The following FCGRT variants were observed in gnomAD, a reference collection of about 807,000 sequenced individuals.
FCGRT encodes Fc gamma receptor and transporter.
Under a neutral mutation model 35.7 loss-of-function variants are expected in FCGRT, and 13 were observed. That is an observed-to-expected ratio of 0.36 (90% CI 0.24 to 0.58). FCGRT has a LOEUF of 0.58. FCGRT is among the 20% of genes least tolerant of loss of function. The pLI is 0.77. For missense variants in FCGRT, 455 were observed against 474.9 expected (o/e 0.96, Z 0.39); for synonymous variants, 233 against 216.5 (o/e 1.08, Z -0.67).
At chr19:49,514,164 C>T (rs1284568830) in intron 3 of FCGRT, 31 bp downstream of exon 3, 5 of 1,611,082 alleles carry the variant, frequency 3.1e-6, no homozygotes, top group African/African-American at 2.7e-5. Flanking sequence ...GGCAAGGGGC[C>T]GGGTCCATGC....
rs1445251431 is a variant in FCGRT, at chr19:49,513,750, G to A, written c.74-132G>A. ...TCTGGGTCTCTGTCCCCCCCCCCCC[G>A]GGTTTCTGTCCCCTCTCTCTGAATC... On this transcript the variant is annotated intron_variant, in intron 2 of 6. Transcript: ENST00000221466. 7 of 81,912 alleles carry A rather than the reference G, an allele frequency of 8.5e-5. No individual in the cohort carries two copies. The Admixed American group carries it at 9.7e-4, about 11-fold the overall frequency. 5.1% of individuals were successfully genotyped at this position (81,912 alleles called of 1,614,324 possible).
rs1305186351 is a variant in FCGRT, at chr19:49,514,412, C to G, written c.527C>G (p.Thr176Ser). The change falls in exon 4 of 7, where the codon ACC (threonine) becomes AGC (serine). Residue 176 changes from threonine (T) to serine (S), a missense_variant. Coordinates refer to ENST00000221466, the MANE Select transcript of FCGRT (RefSeq NM_001136019.3). ...GACAAGGCGGCCAACAAGGAGCTCA[C>G]CTTCCTGCTATTCTCCTGCCCGCAC... The part of the protein sequence containing the change: ...QQDKAANKEL[T>S]FLLFSCPHRL... 1.4e-5 allele frequency: 22 copies of G among 1,602,834 alleles called. No individual in the cohort carries two copies. Among genetic ancestry groups the G allele is most frequent in the Non-Finnish European group, 1.9e-5 (22 of 1,172,136 alleles).
Position 49,513,392 on chromosome 19 carries a change from C to T in FCGRT, c.-9C>T. The T allele has an allele frequency of 8.2e-7, 1 of 1,214,594 alleles. No individual in the cohort carries two copies. The highest frequency in any genetic ancestry group is 3.3e-5 in the East Asian group (1 of 30,008). 75.2% of individuals were successfully genotyped at this position (1,214,594 alleles called of 1,614,324 possible). A position where few individuals can be genotyped will look rare whatever the true frequency, so the allele number is the denominator to read the frequency against. On this transcript the variant is annotated 5_prime_UTR_variant, in exon 2 of 7. Transcript: ENST00000221466. ...CGTGCCCCCTCCCGCCCCAGGTCGT[C>T]CTCTCAGCATGGGGGTCCCGCGGCC...
chr19:49,517,591 A>T (rs1251617435), intron 4 of FCGRT, among the ~76,000 whole-genome samples: 1 of 152,082 alleles, frequency 6.6e-6, no homozygotes, highest in Non-Finnish European at 1.5e-5. Context: ...GAGACTTAAT[A>T]ATTATCAACC....
chr19:49,513,376 T>G lies in FCGRT; in HGVS notation c.-14-11T>G. The G allele has an allele frequency of 1.1e-5, 7 of 636,636 alleles. No individual in the cohort carries two copies. The highest frequency in any genetic ancestry group is 1.4e-5 in the Non-Finnish European group (7 of 492,066). The allele number at this position is 636,636 out of a possible 1,614,324, so 39.4% of individuals were successfully genotyped here. On this transcript the variant is annotated splice_polypyrimidine_tract_variant and intron_variant, in intron 1 of 6. Transcript: ENST00000221466. Reference sequence around the variant, plus strand: ...GGGTCGGGAGGAGTCACGTGCCCCCTCCCGCCCCAGGTCGTCCTCTCAGCA... The same window carrying G: ...GGGTCGGGAGGAGTCACGTGCCCCCGCCCGCCCCAGGTCGTCCTCTCAGCA...
At chr19:49,517,539 GGAAA>G (rs1055150657) in intron 4 of FCGRT, among the ~76,000 whole-genome samples, 6 of 144,808 alleles carry the variant, frequency 4.1e-5, no homozygotes, top group Admixed American at 6.8e-5. Context: ...GAAAGAGGAA[GGAAA>G]GGAAGGAAGG....
chr19:49,524,396 TATC>T, intron 4 of FCGRT, 108 bp from the exon 5 acceptor site: 1 of 1,197,326 alleles, frequency 8.4e-7, no homozygotes, highest in Non-Finnish European at 1.2e-6. Context: ...ACCACTGTAT[TATC>T]TGCGGTTAGC....
At chr19:49,519,070 C>A (rs1193053557) in intron 4 of FCGRT, among the ~76,000 whole-genome samples, 1 of 148,482 alleles carries the variant, frequency 6.7e-6, no homozygotes, top group Non-Finnish European at 1.5e-5. Context: ...TCTCGATCTC[C>A]TGACCTCCTG....
chr19:49,518,570 G>A (rs1279221345), intron 4 of FCGRT, among the ~76,000 whole-genome samples: 2 of 152,076 alleles, frequency 1.3e-5, no homozygotes, highest in African/African-American at 4.8e-5. Flanking sequence ...GTCTTACTCT[G>A]TCGCCCAGAC....
Position 49,525,472 on chromosome 19 carries a change from C to T in FCGRT, c.887C>T (p.Ser296Phe). The T allele has an allele frequency of 6.2e-7, 1 of 1,613,638 alleles. No individual in the cohort carries two copies. The highest frequency in any genetic ancestry group is 8.5e-7 in the Non-Finnish European group (1 of 1,179,736). Residue 296 changes from serine (S) to phenylalanine (F), a missense_variant, in exon 6 of 7, where the codon TCC (serine) becomes TTC (phenylalanine). Physicochemically the swap from Ser to Phe is radical, Grantham distance 155. Transcript: ENST00000221466. ...LRVELESPAK[S>F]SVLVVGIVIG... ...CTGGCTGCAGAATCTCCAGCCAAGT[C>T]CTCCGTGCTCGTGGTGGGAATCGTC...
chr19:49,515,533 C>A (rs1997594), intron 4 of FCGRT, among the ~76,000 whole-genome samples: 19,573 of 151,880 alleles, frequency 0.13, 1,713 homozygotes, highest in African/African-American at 0.25. Flanking sequence ...CACCCACCTC[C>A]GCCTCCCAAA....
intron 5 of FCGRT, 144 bp from the exon 6 acceptor site, chr19:49,525,313 G>A: frequency 2.8e-6 from 2 of 713,642 alleles, no homozygotes; most frequent in Non-Finnish European, 5.1e-6. Flanking sequence ...TGCCCAGATC[G>A]CCTGCCTGGC....
intron 4 of FCGRT, among the ~76,000 whole-genome samples, chr19:49,518,020 T>A (rs1339056137): frequency 6.6e-6 from 1 of 152,106 alleles, no homozygotes; most frequent in African/African-American, 2.4e-5. Context: ...GAGACGGGAT[T>A]TCACTATGTT....
In FCGRT at chr19:49,525,947, C is replaced by G. The variant is rs552337455; in HGVS notation, c.989-63C>G. 33 of 973,856 alleles carry G rather than the reference C, an allele frequency of 3.4e-5. No homozygotes were observed. The East Asian group carries it at 7.1e-4, about 21-fold the overall frequency. The allele number at this position is 973,856 out of a possible 1,614,324, so 60.3% of individuals were successfully genotyped here. On this transcript the variant is annotated intron_variant, in intron 6 of 6. Transcript: ENST00000221466. ...GTGAGACACACACACAAATGGGGGA[C>G]GCCAGTCAGACCCAGAGCGCCTCAG...
chr19:49,523,600 C>T (rs1392820060), intron 4 of FCGRT, among the ~76,000 whole-genome samples: 1 of 150,194 alleles, frequency 6.7e-6, no homozygotes, highest in East Asian at 2.0e-4. Context: ...GTGGCTCACA[C>T]CTGTAATCCC....
chr19:49,522,878 C>T (rs1420414960), intron 4 of FCGRT, among the ~76,000 whole-genome samples: 2 of 149,120 alleles, frequency 1.3e-5, no homozygotes, highest in African/African-American at 5.0e-5. Context: ...CCCGGGTTCA[C>T]GCCATTCTCC....
At chr19:49,513,844 CG>C in intron 2 of FCGRT, 37 bp from the exon 3 acceptor site, 1 of 1,543,644 alleles carries the variant, frequency 6.5e-7, no homozygotes, top group Non-Finnish European at 8.7e-7. Flanking sequence ...TCTAGTTCCC[CG>C]CCCGTGTGCT....
At chr19:49,524,473 C>G in intron 4 of FCGRT, 34 bp from the exon 5 acceptor site, 3 of 1,587,146 alleles carry the variant, frequency 1.9e-6, no homozygotes, top group East Asian at 2.2e-5. Flanking sequence ...GTGGTGGGCT[C>G]GCGACTTAGG....
At chr19:49,519,131 C>T (rs999543521) in intron 4 of FCGRT, among the ~76,000 whole-genome samples, 78 of 152,302 alleles carry the variant, frequency 5.1e-4, no homozygotes, top group African/African-American at 1.6e-3. Context: ...CTTGAGCCAC[C>T]GCGCCCGGCC....
Sources: allele counts gnomAD v4.1 joint callset (sites outside exome capture counted in the v4.1 genomes callset), GRCh38; gene constraint gnomAD v4.1.1; transcripts MANE v1.5; gene names NCBI Gene and HGNC (gene_info 2026-07-23, HGNC 2026-07-21).